Variants in PLCD3 observed in about 807,000 individuals in gnomAD.
The protein encoded by PLCD3 is 1-phosphatidylinositol 4,5-bisphosphate phosphodiesterase delta-3.
PLCD3 carries 62 observed loss-of-function variants against 82.8 expected under a neutral mutation model. The observed-to-expected ratio is 0.75, with a 90% CI of 0.61 to 0.93. The LOEUF is 0.93. Ranked by LOEUF, PLCD3 falls within the 40% of genes least tolerant of loss-of-function variation. PLCD3 has a pLI of 0.00. For synonymous variants in PLCD3, 478 were observed against 471.8 expected, an observed-to-expected ratio of 1.01 and a Z score of -0.17; for missense variants, 1,023 against 1,103.4, an observed-to-expected ratio of 0.93 and a Z score of 1.03.
intron 8 of PLCD3, among the ~76,000 whole-genome samples, chr17:45,116,172 G>C (rs558883153): frequency 2.0e-5 from 3 of 152,234 alleles, no homozygotes; most frequent in East Asian, 1.9e-4. Context: ...TCTGGTGTCT[G>C]GGGGAGAGCA....
chr17:45,129,528 C>G (rs879410725), intron 1 of PLCD3, among the ~76,000 whole-genome samples: 6 of 152,218 alleles, frequency 3.9e-5, no homozygotes, highest in Non-Finnish European at 7.3e-5. Flanking sequence ...TCATGGAAAA[C>G]TAGGCTCTGG....
chr17:45,120,484 C>CG (rs779127879), intron 3 of PLCD3, 30 bp from the exon 4 acceptor site: 2 of 1,613,330 alleles, frequency 1.2e-6, no homozygotes, highest in African/African-American at 2.7e-5. Flanking sequence ...AACAGCAACA[C>CG]GCCAGGCTGC....
rs943161052 is a variant in PLCD3 at position 45,111,026 on chromosome 17, T to A, written c.*1590A>T. The stretch of plus-strand genomic sequence containing the variant: ...TTCCAGGCCACCCTCTGGGGACTAA[T>A]GTCAAGTTCTGCCCTTGTCCAGTGC... On this transcript the variant is annotated 3_prime_UTR_variant, in exon 15 of 15. Coordinates refer to ENST00000619929, the MANE Select transcript of PLCD3 (RefSeq NM_133373.5). 2.0e-5 allele frequency: 3 copies of A among 152,274 alleles called. No individual in the cohort carries two copies. Among genetic ancestry groups the A allele is most frequent in the African/African-American group, 7.2e-5 (3 of 41,466 alleles). The allele number at this position is 152,274 out of a possible 1,614,324, so 9.4% of individuals were successfully genotyped here.
intron 1 of PLCD3, among the ~76,000 whole-genome samples, chr17:45,130,475 C>A (rs1044387463): frequency 5.9e-5 from 9 of 152,178 alleles, no homozygotes; most frequent in African/African-American, 2.2e-4. Flanking sequence ...CTCCCCTCAG[C>A]CCTTCCGCGG....
chr17:45,116,906 A>T, intron 7 of PLCD3, 122 bp from the exon 8 acceptor site: 1 of 1,263,466 alleles, frequency 7.9e-7, no homozygotes, highest in Non-Finnish European at 1.0e-6. Flanking sequence ...AACCCAGGGA[A>T]GCAGCAGACT....
chr17:45,118,191 G>A lies in PLCD3; in HGVS notation c.1116-53C>T, dbSNP rs773840566. 28 of 1,612,202 alleles carry A rather than the reference G, an allele frequency of 1.7e-5. No individual in the cohort carries two copies. The highest frequency in any genetic ancestry group is 1.0e-4 in the Admixed American group (6 of 59,914). On this transcript the variant is annotated intron_variant, in intron 6 of 14. Transcript: ENST00000619929. This position sits in a 1 kb window ranked among gnomAD's most constrained non-coding sequence, Gnocchi z 4.1. ...CAAGGTGTTGCCAGAGTGCCACAGA[G>A]CAGGGCAGCAGGCAGGCTGGGCCAG...
Position 45,113,547 on chromosome 17 carries a change from T to G in PLCD3, c.1887A>C (p.Leu629=), listed in dbSNP as rs1161786151. ...YEMDLNAGRF[L]VNGQCGYVLK... is the part of the protein sequence containing the mutation. ...GGACGTAGCCACACTGCCCATTGAC[T>G]AGGAAGCGCCCGGCATTGAGGTCCA... Residue 629 remains leucine, a synonymous_variant, in exon 12 of 15, where the codon CTA becomes CTC. Coordinates refer to ENST00000619929, the MANE Select transcript of PLCD3 (RefSeq NM_133373.5). The G allele has an allele frequency of 6.4e-7, 1 of 1,563,608 alleles. No homozygotes were observed. Among genetic ancestry groups the G allele is most frequent in the African/African-American group, 1.4e-5 (1 of 73,348 alleles).
Position 45,132,510 on chromosome 17 carries a change from G to GAGAAGAAA in PLCD3, c.-101_-100insTTTCTTCT, listed in dbSNP as rs2054479429. ...GCCCCGGCTCTGAGCGAGGCGGCGA[G>GAGAAGAAA]CGAAGAAACTTAGCGGCGCGGGAGG... On this transcript the variant is annotated 5_prime_UTR_variant, in exon 1 of 15. Transcript: ENST00000619929. This position sits in a 1 kb window ranked among gnomAD's most constrained non-coding sequence, Gnocchi z 4.6. The GAGAAGAAA allele has an allele frequency of 1.6e-6, 1 of 633,818 alleles. No homozygotes were observed. Among genetic ancestry groups the GAGAAGAAA allele is most frequent in the Admixed American group, 5.8e-5 (1 of 17,198 alleles). 39.3% of individuals were successfully genotyped at this position (633,818 alleles called of 1,614,324 possible). A position where few individuals can be genotyped will look rare whatever the true frequency, so the allele number is the denominator to read the frequency against.
chr17:45,121,437 C>G (rs534433691), intron 1 of PLCD3, 65 bp from the exon 2 acceptor site: 6 of 1,427,110 alleles, frequency 4.2e-6, no homozygotes, highest in African/African-American at 1.5e-5. Flanking sequence ...TGCCCTCCCC[C>G]GCTAGGACCT....
intron 10 of PLCD3, among the ~76,000 whole-genome samples, chr17:45,114,601 A>G (rs1032198141): frequency 3.3e-5 from 5 of 151,970 alleles, no homozygotes; most frequent in Admixed American, 6.6e-5. Flanking sequence ...GCTCCTGACA[A>G]AGTTCCAACC....
At position 45,121,054 on chromosome 17, in the gene PLCD3, C is replaced by T; in HGVS notation, c.402G>A (p.Ala134=). Residue 134 remains alanine (A), a synonymous_variant, in exon 3 of 15, where the codon GCG becomes GCA. Transcript: ENST00000619929. ...AGGCGATGGTGAGGCAGCGCGCTGG[C>T]GCGAAGGCACCCCCGAAGCGCCGCA... ...EGLRRFGGAF[A]PARCLTIAFK... is the part of the protein sequence containing the mutation. 1 of 1,540,502 alleles carries T rather than the reference C, an allele frequency of 6.5e-7. No homozygotes were observed. Among genetic ancestry groups the T allele is most frequent in the South Asian group, 1.2e-5 (1 of 83,862 alleles).
chr17:45,113,270 G>A lies in PLCD3; in HGVS notation c.1996-13C>T, dbSNP rs200960140. 10,259 of 1,599,586 alleles carry A rather than the reference G, an allele frequency of 6.4e-3. 36 individuals are homozygous for A. The highest frequency in any genetic ancestry group is 7.8e-3 in the Non-Finnish European group (9,115 of 1,173,586). ...GTGCAGTCAGCACCTGTGGGTGAGG[G>A]AGGGAGTGGCTGGGGCCCACGCCCA... On this transcript the variant is annotated splice_polypyrimidine_tract_variant and intron_variant, in intron 12 of 14. Transcript: ENST00000619929.
intron 1 of PLCD3, among the ~76,000 whole-genome samples, chr17:45,125,602 CA>C (rs2054375747): frequency 6.6e-6 from 1 of 152,104 alleles, no homozygotes; most frequent in Admixed American, 6.6e-5. Flanking sequence ...TCTCAAAAAA[CA>C]AAACAAAACA....
Position 45,112,977 on chromosome 17 carries a change from G to A in PLCD3, c.2167C>T (p.Gln723Ter), listed in dbSNP as rs2054258297. 6.2e-7 allele frequency: 1 copy of A among 1,610,856 alleles called. No individual in the cohort carries two copies. The highest frequency in any genetic ancestry group is 8.5e-7 in the Non-Finnish European group (1 of 1,178,220). ...NPRWGQTLQF[Q>*]LRAPELALVR... is the part of the protein sequence containing the mutation. ...AGTGCCAGCTCCGGAGCCCGCAGCT[G>A]GAACTGCAGGGTCTGCCCCCAGCGG... The change falls in exon 14 of 15, where the codon CAG becomes TAG. Residue 723 changes from glutamine (Q) to a stop codon, truncating the protein, a stop_gained. Transcript: ENST00000619929. LOFTEE classifies it high-confidence loss of function.
chr17:45,118,934 C>G lies in PLCD3; in HGVS notation c.794G>C (p.Gly265Ala). The part of the protein sequence containing the change: ...ELEEIFHQYS[G>A]EDRVLSAPEL... ...AGGGGCACTCAGCACGCGGTCCTCG[C>G]CCGAGTACTGATGGAAGATCTCCTC... The change falls in exon 5 of 15, where the codon GGC becomes GCC. Residue 265 changes from glycine (G) to alanine (A), a missense_variant. Gly to Ala is a moderately conservative substitution (Grantham distance 60). Transcript: ENST00000619929. This position sits in a 1 kb window ranked among gnomAD's most constrained non-coding sequence, Gnocchi z 4.1. 1 of 1,612,758 alleles carries G rather than the reference C, an allele frequency of 6.2e-7. No individual in the cohort carries two copies. The highest frequency in any genetic ancestry group is 8.5e-7 in the Non-Finnish European group (1 of 1,179,732).
At chr17:45,123,373 C>A (rs2054355936) in intron 1 of PLCD3, among the ~76,000 whole-genome samples, 1 of 152,226 alleles carries the variant, frequency 6.6e-6, no homozygotes. Context: ...ACACAAAACC[C>A]ACCTATATAC....
intron 1 of PLCD3, among the ~76,000 whole-genome samples, chr17:45,128,426 C>G (rs550155033): frequency 4.7e-4 from 71 of 152,342 alleles, no homozygotes; most frequent in Admixed American, 2.9e-3. Context: ...ACTGGAGGGC[C>G]ACCCAGCTTA....
At chr17:45,114,186 A>T in intron 11 of PLCD3, 64 bp downstream of exon 11, 1 of 1,252,574 alleles carries the variant, frequency 8.0e-7, no homozygotes, top group Non-Finnish European at 1.1e-6. Context: ...TGGGCCCCTC[A>T]CTGCTGAGGC....
Position 45,124,519 on chromosome 17 carries a change from G to A in PLCD3, c.164-3147C>T, listed in dbSNP as rs73316962. Among the ~76,000 whole-genome samples the A allele has an allele frequency of 4.9e-3, 748 of 152,352 alleles. 7 individuals carry two copies. Among genetic ancestry groups the A allele is most frequent in the African/African-American group, 0.018 (730 of 41,576 alleles). ...GGGTGCTTCTGTGTCCCCACTGCTC[G>A]TGCTTCTGAACCCTGGGGCAGTGAG... is the stretch of plus-strand genomic sequence containing the variant. On this transcript the variant is annotated intron_variant, in intron 1 of 14. Transcript: ENST00000619929.
Sources: allele counts gnomAD v4.1 joint callset (sites outside exome capture counted in the v4.1 genomes callset), GRCh38; gene constraint gnomAD v4.1.1; non-coding constraint Gnocchi (gnomAD v3.1); transcripts MANE v1.5; gene names NCBI Gene and HGNC (gene_info 2026-07-23, HGNC 2026-07-21).